Variants in HRNR observed in about 807,000 individuals in gnomAD.
The protein encoded by HRNR is filaggrin family member 3.
In HRNR, 7 loss-of-function variants were observed where a neutral mutation model predicts 4.8. The ratio of observed to expected loss-of-function variants is 1.47; its 90% confidence interval spans 0.83 to 2.75. The LOEUF (loss-of-function observed/expected upper bound fraction) is 2.75. Ranked by LOEUF, HRNR falls within the 30% of genes most tolerant of loss-of-function variation. The pLI is 0.00. For synonymous variants in HRNR, 1,023 were observed against 1,242.7 expected (o/e 0.82, Z 3.72); for missense variants, 2,879 against 3,010.4 (o/e 0.96, Z 1.02).
chr1:152,221,804 C>G (rs906927185), intron 2 of HRNR, among the ~76,000 whole-genome samples: 1 of 151,900 alleles, frequency 6.6e-6, no homozygotes, highest in African/African-American at 2.4e-5. Context: ...GTTTTTATAC[C>G]TACATTAATT....
chr1:152,222,810 C>T (rs1234240191), intron 2 of HRNR, among the ~76,000 whole-genome samples: 1 of 152,170 alleles, frequency 6.6e-6, no homozygotes, highest in Non-Finnish European at 1.5e-5. Context: ...TGCCAATTTC[C>T]TGAACTCAGA....
rs1427175336 is a variant in HRNR at position 152,219,563 on chromosome 1, C to T, written c.2066G>A (p.Gly689Asp). Residue 689 changes from glycine to aspartate, a missense_variant, in exon 3 of 3, where the codon GGC becomes GAC. Around this residue, in one of 8 missense-constraint regions of HRNR, gnomAD observed 2,646 missense variants for 1,377.7 expected, o/e 1.92. Transcript: ENST00000368801. ...GSGSGWSSSN[G>D]PHGSVSGQSS... ...CTGGCCTGAGACAGACCCATGTGGG[C>T]CATTGCTTGAAGACCAACCGGAGCC... is the stretch of plus-strand genomic sequence containing the variant. 3 of 1,613,794 alleles carry T rather than the reference C, an allele frequency of 1.9e-6. No homozygotes were observed. The highest frequency in any genetic ancestry group is 1.7e-6 in the Non-Finnish European group (2 of 1,179,974).
Position 152,218,909 on chromosome 1 carries a change from C to G in HRNR, c.2720G>C (p.Gly907Ala). ...GSGSGQSPSY[G>A]RHGSGSGRSS... Reference sequence around the variant, plus strand: ...CCGACCGGAGCCAGACCCATGTCGGCCATAGCTGGGAGACTGCCCTGACCC... The same window carrying G: ...CCGACCGGAGCCAGACCCATGTCGGGCATAGCTGGGAGACTGCCCTGACCC... Residue 907 changes from glycine to alanine, a missense_variant, in exon 3 of 3, where the codon GGC (glycine) becomes GCC (alanine). Gly to Ala is a moderately conservative substitution (Grantham distance 60). Around this residue, in one of 8 missense-constraint regions of HRNR, gnomAD observed 2,646 missense variants for 1,377.7 expected, o/e 1.92. Coordinates refer to ENST00000368801, the MANE Select transcript of HRNR (RefSeq NM_001009931.3). 2 of 1,613,820 alleles carry G rather than the reference C, an allele frequency of 1.2e-6. No homozygotes were observed. Among genetic ancestry groups the G allele is most frequent in the Non-Finnish European group, 1.7e-6 (2 of 1,179,918 alleles).
At position 152,220,193 on chromosome 1, in the gene HRNR, G is replaced by A. The variant is rs139476726; in HGVS notation, c.1436C>T (p.Thr479Ile). The change falls in exon 3 of 3, where the codon ACT becomes ATT. Residue 479 changes from threonine (T) to isoleucine (I), a missense_variant. This residue lies in a region of HRNR where 2,646 missense variants were observed against 1,377.7 expected (regional missense o/e 1.92). Coordinates refer to ENST00000368801, the MANE Select transcript of HRNR (RefSeq NM_001009931.3). ...ESSSEHSSGY[T>I]QHGSGSGHSS... ...GTGACCTGAGCCAGATCCATGCTGAGTGTAACCAGAGGAATGCTCTGAGCT... is the reference window on the plus strand; with the variant it reads ...GTGACCTGAGCCAGATCCATGCTGAATGTAACCAGAGGAATGCTCTGAGCT... The A allele has an allele frequency of 1.9e-6, 3 of 1,612,048 alleles. No homozygotes were observed. Among genetic ancestry groups the A allele is most frequent in the Admixed American group, 1.7e-5 (1 of 59,904 alleles).
Position 152,219,178 on chromosome 1 carries a change from A to T in HRNR, c.2451T>A (p.Phe817Leu). The T allele has an allele frequency of 6.2e-7, 1 of 1,613,948 alleles. No individual in the cohort carries two copies. Residue 817 changes from phenylalanine (F) to leucine (L), a missense_variant, in exon 3 of 3, where the codon TTT becomes TTA. Coordinates refer to ENST00000368801, the MANE Select transcript of HRNR (RefSeq NM_001009931.3). ...GTCCTGAGCCAGACTCGTGTTGCCCAAAACCAGAAGCCTGGCCTGAGCCAG... is the reference window on the plus strand; with the variant it reads ...GTCCTGAGCCAGACTCGTGTTGCCCTAAACCAGAAGCCTGGCCTGAGCCAG... ...YESGSGQASG[F>L]GQHESGSGQG...
In HRNR at chr1:152,218,450, G is replaced by A; in HGVS notation, c.3179C>T (p.Ser1060Phe). 5.6e-6 allele frequency: 9 copies of A among 1,613,776 alleles called. No individual in the cohort carries two copies. Among genetic ancestry groups the A allele is most frequent in the Non-Finnish European group, 5.9e-6 (7 of 1,180,010 alleles). The change falls in exon 3 of 3, where the codon TCC becomes TTC. Residue 1060 changes from serine to phenylalanine, a missense_variant. By Grantham distance (155) the Ser-to-Phe change is radical. This residue lies in a region of HRNR where 2,646 missense variants were observed against 1,377.7 expected (regional missense o/e 1.92). Coordinates refer to ENST00000368801, the MANE Select transcript of HRNR (RefSeq NM_001009931.3). ...AGATCCATGTTGACCGTAGCCAGAG[G>A]ACTGTCCTGAGCGAGACTCTCGGTG... ...LGHRESRSGQ[S>F]SGYGQHGSSS...
Position 152,219,023 on chromosome 1 carries a change from T to C in HRNR, c.2606A>G (p.Gln869Arg). 6.2e-7 allele frequency: 1 copy of C among 1,613,980 alleles called. No individual in the cohort carries two copies. Among genetic ancestry groups the C allele is most frequent in the Non-Finnish European group, 8.5e-7 (1 of 1,179,974 alleles). The change falls in exon 3 of 3, where the codon CAG (glutamine) becomes CGG (arginine). Residue 869 changes from glutamine to arginine, a missense_variant. Transcript: ENST00000368801. ...AGCGTGATGGGAGGCAGACTCATGC[T>C]GACCATAGCTGGAAGATTGACCTGA... is the stretch of plus-strand genomic sequence containing the variant. Reference protein sequence around the residue: ...SSSGQSSSYGQHESASHHASG... With the variant: ...SSSGQSSSYGRHESASHHASG...
In HRNR at chr1:152,224,177, G is replaced by C. The variant is rs1649091921; in HGVS notation, c.-60C>G. On this transcript the variant is annotated 5_prime_UTR_variant, in exon 1 of 3. Coordinates refer to ENST00000368801, the MANE Select transcript of HRNR (RefSeq NM_001009931.3). ...CAGAGGAACAAGTAGGGTAGAGACAGAAACAGCTTTCAGGGTGCTGCGAGT... is the reference window on the plus strand; with the variant it reads ...CAGAGGAACAAGTAGGGTAGAGACACAAACAGCTTTCAGGGTGCTGCGAGT... The C allele has an allele frequency of 6.6e-6, 1 of 152,184 alleles. No homozygotes were observed. The highest frequency in any genetic ancestry group is 6.6e-5 in the Admixed American group (1 of 15,264). 9.4% of individuals were successfully genotyped at this position (152,184 alleles called of 1,614,324 possible).
chr1:152,218,438 C>A lies in HRNR; in HGVS notation c.3191G>T (p.Gly1064Val). Residue 1064 changes from glycine (G) to valine (V), a missense_variant, in exon 3 of 3, where the codon GGT becomes GTT. Gly to Val is a moderately radical substitution (Grantham distance 109). This residue lies in a region of HRNR where 2,646 missense variants were observed against 1,377.7 expected (regional missense o/e 1.92). Coordinates refer to ENST00000368801, the MANE Select transcript of HRNR (RefSeq NM_001009931.3). ...ATGACCTGAGCTAGATCCATGTTGACCGTAGCCAGAGGACTGTCCTGAGCG... is the reference window on the plus strand; with the variant it reads ...ATGACCTGAGCTAGATCCATGTTGAACGTAGCCAGAGGACTGTCCTGAGCG... ...ESRSGQSSGY[G>V]QHGSSSGHSS... is the part of the protein sequence containing the mutation. 6.2e-7 allele frequency: 1 copy of A among 1,613,438 alleles called. No homozygotes were observed. The highest frequency in any genetic ancestry group is 8.5e-7 in the Non-Finnish European group (1 of 1,179,942).
In HRNR at chr1:152,219,307, G is replaced by A; in HGVS notation, c.2322C>T (p.His774=). The change falls in exon 3 of 3, where the codon CAC becomes CAT. Residue 774 remains histidine, a synonymous_variant. Transcript: ENST00000368801. Reference sequence around the variant, plus strand: ...ACCCATGTCGGACACGGCTAGGAGAGTGGCCAGATCCAGACCCTTGTCGGC... The same window carrying A: ...ACCCATGTCGGACACGGCTAGGAGAATGGCCAGATCCAGACCCTTGTCGGC... ...GHGRQGSGSG[H]SPSRVRHGSS... 1 of 1,605,786 alleles carries A rather than the reference G, an allele frequency of 6.2e-7. No individual in the cohort carries two copies. Among genetic ancestry groups the A allele is most frequent in the Non-Finnish European group, 8.5e-7 (1 of 1,177,466 alleles).
chr1:152,221,972 T>C (rs925834816), intron 2 of HRNR, among the ~76,000 whole-genome samples: 1 of 152,160 alleles, frequency 6.6e-6, no homozygotes, highest in Non-Finnish European at 1.5e-5. Flanking sequence ...TAAAGTTTAG[T>C]TGGCCAGATA....
In HRNR at chr1:152,221,109, C is replaced by G. The variant is rs1306734038; in HGVS notation, c.520G>C (p.Gly174Arg). 1.2e-6 allele frequency: 2 copies of G among 1,614,090 alleles called. No individual in the cohort carries two copies. The highest frequency in any genetic ancestry group is 1.3e-5 in the African/African-American group (1 of 74,934). ...DFSGQHNSYSGQSSSYGEQNS... is the reference protein window; with the variant it reads ...DFSGQHNSYSRQSSSYGEQNS... ...TGCTCACCATAGCTGGAAGACTGAC[C>G]TGAGTAGGAGTTATGTTGGCCAGAA... Residue 174 changes from glycine to arginine, a missense_variant, in exon 3 of 3, where the codon GGT becomes CGT. Physicochemically the swap from Gly to Arg is moderately radical, Grantham distance 125. Coordinates refer to ENST00000368801, the MANE Select transcript of HRNR (RefSeq NM_001009931.3).
At position 152,220,355 on chromosome 1, in the gene HRNR, C is replaced by T. The variant is rs746444536; in HGVS notation, c.1274G>A (p.Gly425Asp). The change falls in exon 3 of 3, where the codon GGC becomes GAC. Residue 425 changes from glycine (G) to aspartate (D), a missense_variant. Physicochemically the swap from Gly to Asp is moderately conservative, Grantham distance 94. Coordinates refer to ENST00000368801, the MANE Select transcript of HRNR (RefSeq NM_001009931.3). ...QHSSGSGQSPGHGQRGSGSGQ... is the reference protein window; with the variant it reads ...QHSSGSGQSPDHGQRGSGSGQ... ...TGACCCAGACCCACGCTGGCCGTGG[C>T]CTGGAGACTGGCCAGATCCAGAGCT... The T allele has an allele frequency of 6.2e-7, 1 of 1,613,714 alleles. No homozygotes were observed.
At position 152,220,687 on chromosome 1, in the gene HRNR, G is replaced by T. The variant is rs566382287; in HGVS notation, c.942C>A (p.Ser314=). ...CGTGGCTGGAGGAGTGCCCCGAACC[G>T]GACCCATGTCGGACGTGGCTAGGAG... is the stretch of plus-strand genomic sequence containing the variant. ...RQSPSHVRHG[S]GSGHSSSHGQ... The change falls in exon 3 of 3, where the codon TCC becomes TCA. Residue 314 remains serine (S), a synonymous_variant. Coordinates refer to ENST00000368801, the MANE Select transcript of HRNR (RefSeq NM_001009931.3). 4 of 1,611,822 alleles carry T rather than the reference G, an allele frequency of 2.5e-6. No individual in the cohort carries two copies. The highest frequency in any genetic ancestry group is 3.4e-6 in the Non-Finnish European group (4 of 1,179,214).
rs144504025 is a variant in HRNR at position 152,218,419 on chromosome 1, T to G, written c.3210A>C (p.Ser1070=). 2.6e-4 allele frequency: 427 copies of G among 1,613,392 alleles called. 3 individuals carry two copies. The highest frequency in any genetic ancestry group is 4.7e-4 in the Admixed American group (28 of 59,992). The stretch of plus-strand genomic sequence containing the variant: ...GTTGCCCATGGGTAGAGGAATGACC[T>G]GAGCTAGATCCATGTTGACCGTAGC... ...SSGYGQHGSS[S]GHSSTHGQHG... The change falls in exon 3 of 3, where the codon TCA becomes TCC. Residue 1070 remains serine (S), a synonymous_variant. Coordinates refer to ENST00000368801, the MANE Select transcript of HRNR (RefSeq NM_001009931.3).
At position 152,219,494 on chromosome 1, in the gene HRNR, C is replaced by G. The variant is rs759608909; in HGVS notation, c.2135G>C (p.Gly712Ala). The change falls in exon 3 of 3, where the codon GGT (glycine) becomes GCT (alanine). Residue 712 changes from glycine (G) to alanine (A), a missense_variant. Physicochemically the swap from Gly to Ala is moderately conservative, Grantham distance 60 (BLOSUM62 0). Coordinates refer to ENST00000368801, the MANE Select transcript of HRNR (RefSeq NM_001009931.3). ...GHKSGSGQSS[G>A]YSQHGSGSSH... ...TGAGCCAGATCCATGCTGACTGTAA[C>G]CAGAGGACTGCCCTGAGCCAGACTT... The G allele has an allele frequency of 8.1e-6, 13 of 1,613,864 alleles. No individual in the cohort carries two copies. Among genetic ancestry groups the G allele is most frequent in the Middle Eastern group, 1.6e-4 (1 of 6,082 alleles).
chr1:152,218,768 G>A lies in HRNR; in HGVS notation c.2861C>T (p.Ser954Phe), dbSNP rs1648773937. ...AGAGCCGTGTTGTTCGTAGCTGGAG[G>A]AGTGACCTGAGCCAGATCCATGCTG... ...YTQHGSGSGH[S>F]SSYEQHGSRS... The change falls in exon 3 of 3, where the codon TCC becomes TTC. Residue 954 changes from serine (S) to phenylalanine (F), a missense_variant. By Grantham distance (155) the Ser-to-Phe change is radical. Around this residue, in one of 8 missense-constraint regions of HRNR, gnomAD observed 2,646 missense variants for 1,377.7 expected, o/e 1.92. Transcript: ENST00000368801. The A allele has an allele frequency of 3.1e-6, 5 of 1,613,892 alleles. No homozygotes were observed. The highest frequency in any genetic ancestry group is 1.7e-4 in the Middle Eastern group (1 of 6,060).
In HRNR at chr1:152,219,815, C is replaced by G; in HGVS notation, c.1814G>C (p.Gly605Ala). The G allele has an allele frequency of 6.2e-7, 1 of 1,612,242 alleles. No individual in the cohort carries two copies. Among genetic ancestry groups the G allele is most frequent in the Non-Finnish European group, 8.5e-7 (1 of 1,178,762 alleles). Residue 605 changes from glycine to alanine, a missense_variant, in exon 3 of 3, where the codon GGT becomes GCT. Coordinates refer to ENST00000368801, the MANE Select transcript of HRNR (RefSeq NM_001009931.3). ...SGYGQHGSSS[G>A]HSSTHGQHGS... ...ATGTTGCCCATGGGTAGAGGAATGA[C>G]CCGAGCTAGATCCGTGTTGACCGTA...
chr1:152,218,478 C>G lies in HRNR; in HGVS notation c.3151G>C (p.Gly1051Arg), dbSNP rs6659183. 2 of 1,613,730 alleles carry G rather than the reference C, an allele frequency of 1.2e-6. No homozygotes were observed. The highest frequency in any genetic ancestry group is 1.1e-5 in the South Asian group (1 of 91,058). The change falls in exon 3 of 3, where the codon GGT (glycine) becomes CGT (arginine). Residue 1051 changes from glycine to arginine, a missense_variant. Coordinates refer to ENST00000368801, the MANE Select transcript of HRNR (RefSeq NM_001009931.3). Reference sequence around the variant, plus strand: ...TGTCCTGAGCGAGACTCTCGGTGACCTAAGCCAGAAGAGTGACCGGAGCCA... The same window carrying G: ...TGTCCTGAGCGAGACTCTCGGTGACGTAAGCCAGAAGAGTGACCGGAGCCA... ...ESGSGHSSGL[G>R]HRESRSGQSS...
Sources: gnomAD v4.1 joint callset for allele counts (sites outside exome capture counted in the v4.1 genomes callset) on GRCh38, gnomAD v4.1.1 for gene constraint, gnomAD v4.1.1 regional missense constraint, MANE v1.5 for transcripts, NCBI Gene and HGNC (gene_info 2026-07-23, HGNC 2026-07-21) for gene names.